RORA: variants seen among roughly 807,000 people sequenced by gnomAD.
RORA encodes the protein RAR related orphan receptor A, also known as nuclear receptor ROR-alpha.
In RORA, 7 loss-of-function variants were observed where a neutral mutation model predicts 69.5. The ratio of observed to expected loss-of-function variants is 0.10; its 90% confidence interval spans 0.06 to 0.19. The LOEUF (loss-of-function observed/expected upper bound fraction) is 0.19, where lower values mean the gene tolerates loss of function less well. RORA is among the 10% of genes least tolerant of loss of function. The pLI is 1.00. For missense variants in RORA, 457 were observed against 663.0 expected, an observed-to-expected ratio of 0.69 and a Z score of 3.41; for synonymous variants, 261 against 240.8, an observed-to-expected ratio of 1.08 and a Z score of -0.78.
intron 1 of RORA, among the ~76,000 whole-genome samples, chr15:60,818,956 T>G (rs944617285): frequency 6.6e-6 from 1 of 152,208 alleles, no homozygotes; most frequent in Non-Finnish European, 1.5e-5. Flanking sequence ...AGAGGCATGT[T>G]GAAGAACAAA....
chr15:60,842,633 G>A (rs2073214061), intron 1 of RORA, among the ~76,000 whole-genome samples: 1 of 152,166 alleles, frequency 6.6e-6, no homozygotes, highest in Non-Finnish European at 1.5e-5. Context: ...CAAAACCCAT[G>A]CTCTTGACCC....
At chr15:61,115,528 G>A (rs1185688597) in intron 1 of RORA, among the ~76,000 whole-genome samples, 1 of 152,194 alleles carries the variant, frequency 6.6e-6, no homozygotes, top group Non-Finnish European at 1.5e-5. Context: ...TTAGAGTGAA[G>A]TGAGGTTTCT....
intron 2 of RORA, among the ~76,000 whole-genome samples, chr15:60,576,579 T>A (rs2068032205): frequency 6.6e-6 from 1 of 152,242 alleles, no homozygotes; most frequent in African/African-American, 2.4e-5. Flanking sequence ...TCAGGGAAGG[T>A]TGGGCTTTCA....
chr15:60,768,911 C>T (rs575626401), intron 1 of RORA, among the ~76,000 whole-genome samples: 11 of 152,298 alleles, frequency 7.2e-5, no homozygotes, highest in African/African-American at 2.6e-4. Context: ...GAGTTTCAAT[C>T]GGCATTATTT....
intron 1 of RORA, among the ~76,000 whole-genome samples, chr15:61,058,255 G>C (rs559185733): frequency 1.3e-5 from 2 of 152,240 alleles, no homozygotes; most frequent in East Asian, 3.9e-4. Flanking sequence ...GAAAGGCAGG[G>C]TGTCGCCAGG....
chr15:60,895,963 T>C (rs7179276), intron 1 of RORA, among the ~76,000 whole-genome samples: 2,960 of 152,328 alleles, frequency 0.019, 92 homozygotes, highest in African/African-American at 0.068. Context: ...ATCCCAAACC[T>C]TTTCAATGGC....
At chr15:60,734,235 A>G (rs2071469062) in intron 1 of RORA, among the ~76,000 whole-genome samples, 2 of 152,122 alleles carry the variant, frequency 1.3e-5, no homozygotes, top group Non-Finnish European at 2.9e-5. Flanking sequence ...CACCTGGAAA[A>G]TTATTAAAAT....
intron 1 of RORA, among the ~76,000 whole-genome samples, chr15:60,933,640 A>C (rs1892436258): frequency 6.6e-6 from 1 of 152,054 alleles, no homozygotes; most frequent in Admixed American, 6.6e-5. Flanking sequence ...GTGGGGGAGG[A>C]TGTCTTATTC....
intron 1 of RORA, among the ~76,000 whole-genome samples, chr15:60,942,772 A>G (rs919663836): frequency 6.6e-6 from 1 of 152,228 alleles, no homozygotes; most frequent in Non-Finnish European, 1.5e-5. Context: ...AAAAGTGATA[A>G]TGCAGACATA....
At chr15:61,210,815 T>C (rs1221068295) in intron 1 of RORA, among the ~76,000 whole-genome samples, 1 of 152,370 alleles carries the variant, frequency 6.6e-6, no homozygotes, top group East Asian at 1.9e-4. Flanking sequence ...TACAGATCCA[T>C]AGCATTTTGC....
At chr15:60,968,706 TTTG>T (rs1378649084) in intron 1 of RORA, among the ~76,000 whole-genome samples, 1 of 151,824 alleles carries the variant, frequency 6.6e-6, no homozygotes, top group Non-Finnish European at 1.5e-5. Context: ...TTGAGAGTAA[TTTG>T]TTGTCTTGAT....
intron 1 of RORA, among the ~76,000 whole-genome samples, chr15:61,019,071 C>A (rs1895409998): frequency 6.6e-6 from 1 of 152,158 alleles, no homozygotes; most frequent in Non-Finnish European, 1.5e-5. Context: ...TGCTAAGATC[C>A]CCAAATGCTC....
intron 3 of RORA, among the ~76,000 whole-genome samples, chr15:60,522,572 GAGACCAGCCT>G (rs937353291): frequency 6.6e-6 from 1 of 152,058 alleles, no homozygotes; most frequent in Non-Finnish European, 1.5e-5. Context: ...CCAGGTGTTC[GAGACCAGCCT>G]GGGCAACATA....
At chr15:61,084,796 A>T (rs2078597754) in intron 1 of RORA, among the ~76,000 whole-genome samples, 3 of 151,930 alleles carry the variant, frequency 2.0e-5, no homozygotes, top group African/African-American at 7.3e-5. Flanking sequence ...CACCTATTCA[A>T]AATTCAGGCC....
At chr15:60,896,330 T>C (rs1567229164) in intron 1 of RORA, among the ~76,000 whole-genome samples, 1 of 152,238 alleles carries the variant, frequency 6.6e-6, no homozygotes, top group Admixed American at 6.5e-5. Flanking sequence ...AATGGAAAGC[T>C]AACACACTTG....
At chr15:60,877,372 C>G (rs1017424408) in intron 1 of RORA, among the ~76,000 whole-genome samples, 3 of 152,152 alleles carry the variant, frequency 2.0e-5, no homozygotes, top group Non-Finnish European at 4.4e-5. Flanking sequence ...ATAGTGCCCG[C>G]TATTTTATAA....
At chr15:61,087,154 C>G (rs901924115) in intron 1 of RORA, among the ~76,000 whole-genome samples, 14 of 152,246 alleles carry the variant, frequency 9.2e-5, no homozygotes, top group African/African-American at 2.6e-4. Flanking sequence ...AAGACCCTGT[C>G]TCCAAAACAA....
chr15:61,145,863 G>A (rs1446168434), intron 1 of RORA, among the ~76,000 whole-genome samples: 4 of 152,098 alleles, frequency 2.6e-5, no homozygotes, highest in African/African-American at 9.7e-5. Context: ...GCTATATACT[G>A]GAAACCTATC....
At chr15:60,765,847 G>T (rs1181946270) in intron 1 of RORA, among the ~76,000 whole-genome samples, 2 of 151,984 alleles carry the variant, frequency 1.3e-5, no homozygotes, top group African/African-American at 4.8e-5. Flanking sequence ...ATTTACAGTG[G>T]TGTAACCCGC....
Sources: gnomAD v4.1 joint callset for allele counts (sites outside exome capture counted in the v4.1 genomes callset) on GRCh38, gnomAD v4.1.1 for gene constraint, MANE v1.5 for transcripts, NCBI Gene and HGNC (gene_info 2026-07-23, HGNC 2026-07-21) for gene names.